HS6ST2: variants seen among roughly 807,000 people sequenced by gnomAD.
HS6ST2 encodes the protein heparan-sulfate 6-O-sulfotransferase 2.
A neutral mutation model predicts 33.0 loss-of-function variants in HS6ST2; 17 were observed. The observed-to-expected ratio is 0.52, with a 90% confidence interval of 0.35 to 0.77. The LOEUF (loss-of-function observed/expected upper bound fraction) is 0.77, where lower values mean the gene tolerates loss of function less well. HS6ST2 is among the 30% of genes least tolerant of loss of function. HS6ST2 has a pLI of 0.01. For synonymous variants in HS6ST2, 248 were observed against 237.1 expected, an observed-to-expected ratio of 1.05 and a Z score of -0.42; for missense variants, 519 against 551.7, an observed-to-expected ratio of 0.94 and a Z score of 0.59.
At chrX:132,701,159 C>A (rs779633653) in intron 3 of HS6ST2, among the ~76,000 whole-genome samples, 1 of 112,329 alleles carries the variant, frequency 8.9e-6, no homozygotes, top group Non-Finnish European at 1.9e-5. Flanking sequence ...ATTAGCTGCA[C>A]GTACTTAGAT....
intron 3 of HS6ST2, among the ~76,000 whole-genome samples, chrX:132,692,515 A>G (rs1389421120): frequency 9.0e-6 from 1 of 110,607 alleles, no homozygotes; most frequent in Non-Finnish European, 1.9e-5. Context: ...ATGTCTCAGC[A>G]TGGCTTTCAA....
At chrX:132,776,636 A>AC (rs1247657974) in intron 2 of HS6ST2, among the ~76,000 whole-genome samples, 2 of 108,478 alleles carry the variant, frequency 1.8e-5, no homozygotes, top group African/African-American at 3.4e-5. Flanking sequence ...CACTATCCAA[A>AC]CCCCCCCTGC....
At chrX:132,751,263 G>A in intron 2 of HS6ST2, among the ~76,000 whole-genome samples, 1 of 111,015 alleles carries the variant, frequency 9.0e-6, no homozygotes, top group South Asian at 3.9e-4. Context: ...GGCGGGGCGG[G>A]GGGGCTTATT....
chrX:132,885,309 G>T, intron 2 of HS6ST2, among the ~76,000 whole-genome samples: 1 of 111,930 alleles, frequency 8.9e-6, no homozygotes, highest in Non-Finnish European at 1.9e-5. Context: ...GAATCAGACA[G>T]TGATGGTAGT....
chrX:132,852,359 T>C (rs754426061), intron 2 of HS6ST2, among the ~76,000 whole-genome samples: 32 of 111,751 alleles, frequency 2.9e-4, no homozygotes, highest in Non-Finnish European at 3.9e-4. Context: ...AATATAATCA[T>C]AGTAAATTCC....
intron 2 of HS6ST2, among the ~76,000 whole-genome samples, chrX:132,775,336 C>A (rs2064946440): frequency 9.0e-6 from 1 of 111,299 alleles, no homozygotes; most frequent in African/African-American, 3.3e-5. Context: ...GTGCCACACA[C>A]AGCTACTCAA....
At chrX:132,749,572 T>A (rs1396255693) in intron 2 of HS6ST2, among the ~76,000 whole-genome samples, 1 of 112,276 alleles carries the variant, frequency 8.9e-6, no homozygotes, top group Non-Finnish European at 1.9e-5. Context: ...ACTTGATATG[T>A]CTGTGTCAGG....
chrX:132,853,261 C>G (rs1317666404), intron 2 of HS6ST2, among the ~76,000 whole-genome samples: 3 of 111,118 alleles, frequency 2.7e-5, no homozygotes, highest in Admixed American at 9.5e-5. Context: ...TCAAGCAATC[C>G]TCCTGAATCA....
intron 2 of HS6ST2, among the ~76,000 whole-genome samples, chrX:132,916,830 C>G (rs1003269259): frequency 9.8e-5 from 11 of 111,723 alleles, no homozygotes; most frequent in Non-Finnish European, 1.3e-4. Context: ...CAAACTGAGC[C>G]ACTACTGGCT....
At chrX:132,646,120 C>T (rs777186705) in intron 4 of HS6ST2, among the ~76,000 whole-genome samples, 9 of 111,807 alleles carry the variant, frequency 8.0e-5, no homozygotes, top group Admixed American at 3.8e-4. Flanking sequence ...TGCATGACAG[C>T]GGAGAGCTTT....
At chrX:132,790,320 A>T (rs2065109693) in intron 2 of HS6ST2, among the ~76,000 whole-genome samples, 1 of 112,160 alleles carries the variant, frequency 8.9e-6, no homozygotes, top group South Asian at 3.8e-4. Context: ...TCTTTTTTTT[A>T]GCAGTAAACT....
At chrX:132,716,053 G>A (rs1349343223) in intron 2 of HS6ST2, among the ~76,000 whole-genome samples, 1 of 111,939 alleles carries the variant, frequency 8.9e-6, no homozygotes, top group Non-Finnish European at 1.9e-5. Flanking sequence ...TTTATCTGTT[G>A]GCGATCCAGT....
At chrX:132,911,149 C>A (rs372964735) in intron 2 of HS6ST2, among the ~76,000 whole-genome samples, 81 of 87,258 alleles carry the variant, frequency 9.3e-4, no homozygotes, top group Middle Eastern at 5.7e-3. Flanking sequence ...GACGCTATCT[C>A]AAAAAAAAAA....
intron 2 of HS6ST2, among the ~76,000 whole-genome samples, chrX:132,800,825 T>C (rs1235342245): frequency 1.8e-5 from 2 of 111,646 alleles, no homozygotes; most frequent in Non-Finnish European, 3.8e-5. Flanking sequence ...GATTGGATCA[T>C]AGGGGTGGTT....
At chrX:132,631,834 C>A (rs1397436393) in intron 4 of HS6ST2, among the ~76,000 whole-genome samples, 1 of 111,398 alleles carries the variant, frequency 9.0e-6, no homozygotes, top group African/African-American at 3.3e-5. Context: ...TGGAAGTCTG[C>A]AGCTCTCCTT....
At chrX:132,637,828 T>TTATATATAATATTTTATATATAATA (rs1333109301) in intron 4 of HS6ST2, among the ~76,000 whole-genome samples, 1 of 58,539 alleles carries the variant, frequency 1.7e-5, no homozygotes, top group Non-Finnish European at 2.8e-5. Flanking sequence ...ATATATAATA[T>TTATATATAATATTTTATATATAATA]TATATATAAT....
chrX:132,759,841 T>A (rs921718888), intron 2 of HS6ST2, among the ~76,000 whole-genome samples: 3 of 111,843 alleles, frequency 2.7e-5, no homozygotes, highest in Admixed American at 1.9e-4. Context: ...CATTTATTGA[T>A]CACATGGGCC....
At chrX:132,945,074 A>G (rs1435764593) in intron 2 of HS6ST2, among the ~76,000 whole-genome samples, 3 of 112,059 alleles carry the variant, frequency 2.7e-5, no homozygotes, top group Non-Finnish European at 3.8e-5. Flanking sequence ...GGCAACCTAC[A>G]GAATGGGGGA....
intron 2 of HS6ST2, among the ~76,000 whole-genome samples, chrX:132,906,539 T>C (rs2066477013): frequency 8.9e-6 from 1 of 111,841 alleles, no homozygotes; most frequent in African/African-American, 3.3e-5. Flanking sequence ...CAATCTCATG[T>C]TGAAATTTCA....
Sources: gnomAD v4.1 joint callset for allele counts (sites outside exome capture counted in the v4.1 genomes callset) on GRCh38, gnomAD v4.1.1 for gene constraint, MANE v1.5 for transcripts, NCBI Gene and HGNC (gene_info 2026-07-23, HGNC 2026-07-21) for gene names.